The following ERICH6 variants were observed in gnomAD, a reference collection of about 807,000 sequenced individuals.
ERICH6 encodes glutamate-rich protein 6.
ERICH6 carries 71 observed loss-of-function variants against 71.0 expected under a neutral mutation model. The observed-to-expected ratio is 1.00, with a 90% CI of 0.83 to 1.22. The LOEUF (loss-of-function observed/expected upper bound fraction) is 1.22, where lower values mean the gene tolerates loss of function less well. Ranked by LOEUF, ERICH6 falls within the 50% of genes most tolerant of loss-of-function variation. ERICH6 has a pLI of 0.00. For synonymous variants in ERICH6, 262 were observed against 278.4 expected, an observed-to-expected ratio of 0.94 and a Z score of 0.59; for missense variants, 808 against 797.2, an observed-to-expected ratio of 1.01 and a Z score of -0.16.
intron 3 of ERICH6, among the ~76,000 whole-genome samples, chr3:150,697,967 C>T (rs866107718): frequency 6.6e-6 from 1 of 152,128 alleles, no homozygotes; most frequent in African/African-American, 2.4e-5. Flanking sequence ...GCCTGGAACA[C>T]CTTTCCTGTG....
intron 4 of ERICH6, 65 bp downstream of exon 4, chr3:150,686,233 A>G: frequency 6.4e-7 from 1 of 1,550,900 alleles, no homozygotes; most frequent in Non-Finnish European, 8.9e-7. Flanking sequence ...GTGCGAGTTA[A>G]GGTGATTCCC....
intron 3 of ERICH6, among the ~76,000 whole-genome samples, chr3:150,691,690 T>C (rs1335284199): frequency 2.6e-5 from 4 of 151,962 alleles, no homozygotes; most frequent in African/African-American, 9.7e-5. Context: ...TATTAAGTTT[T>C]GGTTTGCTTA....
At chr3:150,702,927 A>G (rs1234484902) in intron 1 of ERICH6, among the ~76,000 whole-genome samples, 5 of 126,230 alleles carry the variant, frequency 4.0e-5, no homozygotes, top group Non-Finnish European at 6.6e-5. Flanking sequence ...TGTGAGAGAG[A>G]GAGAGAGGGA....
intron 2 of ERICH6, among the ~76,000 whole-genome samples, chr3:150,699,250 G>T (rs1469471252): frequency 2.6e-5 from 4 of 152,196 alleles, no homozygotes; most frequent in Non-Finnish European, 5.9e-5. Context: ...AGTGGAGGCT[G>T]CAGTGAGCCG....
rs1278940904 is a variant in ERICH6, at chr3:150,682,311, T to G, written c.789A>C (p.Glu263Asp). The G allele has an allele frequency of 2.0e-5, 33 of 1,612,210 alleles. No homozygotes were observed. Among genetic ancestry groups the G allele is most frequent in the Non-Finnish European group, 2.8e-5 (33 of 1,179,742 alleles). The change falls in exon 7 of 14, where the codon GAA (glutamate) becomes GAC (aspartate). Residue 263 changes from glutamate to aspartate, a missense_variant. By Grantham distance (45) the Glu-to-Asp change is conservative (BLOSUM62 2). Coordinates refer to ENST00000295910, the MANE Select transcript of ERICH6 (RefSeq NM_152394.5). ...SSNLGINFKD[E>D]EEETSPKCEF... is the part of the protein sequence containing the mutation. Reference sequence around the variant, plus strand: ...CACATTTGGGTGATGTCTCCTCCTCTTCATCCTTCAGAGAGAGAGGAAAAA... The same window carrying G: ...CACATTTGGGTGATGTCTCCTCCTCGTCATCCTTCAGAGAGAGAGGAAAAA...
In ERICH6 at chr3:150,698,867, AT is replaced by A. The variant is rs1450476242; in HGVS notation, c.476del (p.Asn159IlefsTer44). 1 of 1,613,824 alleles carries A rather than the reference AT, an allele frequency of 6.2e-7. No individual in the cohort carries two copies. Among genetic ancestry groups the A allele is most frequent in the Admixed American group, 1.7e-5 (1 of 60,018 alleles). On this transcript the variant is annotated frameshift_variant, in exon 3 of 14. Coordinates refer to ENST00000295910, the MANE Select transcript of ERICH6 (RefSeq NM_152394.5). LOFTEE classifies it high-confidence loss of function. ...EMSIDRNIHRNLSPGIPVSVQ... is the reference protein window; with the variant it reads ...EMSIDRNIHRXLSPGIPVSVQ... ...CTGATACTGGAATTCCTGGAGACAA[AT>A]TGCGATGAATATTTCTGAAATTTCG...
intron 6 of ERICH6, 21 bp downstream of exon 6, chr3:150,685,721 A>G (rs1356552084): frequency 6.4e-7 from 1 of 1,552,128 alleles, no homozygotes; most frequent in African/African-American, 1.4e-5. Context: ...AGTAATAATA[A>G]GAAACATGAA....
chr3:150,668,259 T>G (rs1349595504), intron 12 of ERICH6, among the ~76,000 whole-genome samples: 1 of 152,210 alleles, frequency 6.6e-6, no homozygotes, highest in African/African-American at 2.4e-5. Flanking sequence ...AGATTCAGGA[T>G]GTGCCCTCAA....
intron 10 of ERICH6, among the ~76,000 whole-genome samples, chr3:150,678,186 G>A (rs1711734753): frequency 6.6e-6 from 1 of 152,132 alleles, no homozygotes; most frequent in Non-Finnish European, 1.5e-5. Context: ...GGTTCCAAAT[G>A]TTCTCTAATA....
rs147462703 is a variant in ERICH6, at chr3:150,681,901, G to A, written c.882+317C>T. On this transcript the variant is annotated intron_variant, in intron 7 of 13. Transcript: ENST00000295910. The stretch of plus-strand genomic sequence containing the variant: ...ACGATCTTGGCTCACTGCGACCTCC[G>A]TCTCCCGGGTTCAAGCAATTCTCCT... Among the ~76,000 whole-genome samples the A allele has an allele frequency of 2.2e-3, 291 of 132,760 alleles. 1 individual carries two copies. The highest frequency in any genetic ancestry group is 0.019 in the Middle Eastern group (3 of 162). The allele number at this position is 132,760 out of a possible 152,430, so 87.1% of individuals were successfully genotyped here. A position where few individuals can be genotyped will look rare whatever the true frequency, so the allele number is the denominator to read the frequency against.
In ERICH6 at chr3:150,673,970, C is replaced by T. The variant is rs752369715; in HGVS notation, c.1329G>A (p.Gly443=). The T allele has an allele frequency of 1.2e-6, 2 of 1,613,880 alleles. No individual in the cohort carries two copies. Among genetic ancestry groups the T allele is most frequent in the South Asian group, 1.1e-5 (1 of 91,052 alleles). ...GSKFLTSFPD[G]TTQIFYPSGN... ...AAAGAGGATACAATATTTGTGTTGT[C>T]CCATCTGGAAATGAAGTCAGAAACT... The change falls in exon 11 of 14, where the codon GGG becomes GGA. Residue 443 remains glycine, a synonymous_variant. Coordinates refer to ENST00000295910, the MANE Select transcript of ERICH6 (RefSeq NM_152394.5).
At chr3:150,691,719 A>AT (rs35928234) in intron 3 of ERICH6, among the ~76,000 whole-genome samples, 20,914 of 151,340 alleles carry the variant, frequency 0.14, 1,547 homozygotes, top group Non-Finnish European at 0.15. Context: ...AGCTGAGATT[A>AT]TTTTTTTTTA....
chr3:150,686,635 G>A (rs893081284), intron 3 of ERICH6, among the ~76,000 whole-genome samples: 1 of 152,186 alleles, frequency 6.6e-6, no homozygotes, highest in African/African-American at 2.4e-5. Flanking sequence ...AAAATCCTGA[G>A]TGGATGCCTG....
At chr3:150,702,818 GTT>G (rs202085714) in intron 1 of ERICH6, among the ~76,000 whole-genome samples, 14 of 77,022 alleles carry the variant, frequency 1.8e-4, no homozygotes, top group African/African-American at 4.7e-4. Context: ...ACAAAAGAGA[GTT>G]GTTTTTTTTT....
Position 150,703,484 on chromosome 3 carries a change from CG to C in ERICH6, c.403+11del, listed in dbSNP as rs1559924081. 2.5e-6 allele frequency: 4 copies of C among 1,568,954 alleles called. No individual in the cohort carries two copies. The highest frequency in any genetic ancestry group is 2.6e-6 in the Non-Finnish European group (3 of 1,157,852). ...AGAAACCCTCGAGGAAGGGGTGGGTCGGGGGCGGTACTTTTATGCGAGGAGG... is the reference window on the plus strand; with the variant it reads ...AGAAACCCTCGAGGAAGGGGTGGGTCGGGGCGGTACTTTTATGCGAGGAGG... On this transcript the variant is annotated intron_variant, in intron 1 of 13. Coordinates refer to ENST00000295910, the MANE Select transcript of ERICH6 (RefSeq NM_152394.5).
intron 10 of ERICH6, 28 bp downstream of exon 10, chr3:150,678,381 G>T: frequency 1.3e-6 from 2 of 1,523,530 alleles, no homozygotes; most frequent in Non-Finnish European, 1.8e-6. Context: ...TTTTAAAATA[G>T]CAAGTAAAAA....
chr3:150,672,521 CT>C (rs200488730), intron 11 of ERICH6, among the ~76,000 whole-genome samples: 6,304 of 151,846 alleles, frequency 0.042, 200 homozygotes, highest in African/African-American at 0.066. Context: ...TTGCTTGAAC[CT>C]GGGAGGTGGA....
intron 3 of ERICH6, among the ~76,000 whole-genome samples, chr3:150,687,275 G>C (rs574328422): frequency 6.6e-6 from 1 of 152,318 alleles, no homozygotes; most frequent in East Asian, 1.9e-4. Context: ...GGGATAGTGA[G>C]AGATTTCGTC....
rs754085799 is a variant in ERICH6 at position 150,660,112 on chromosome 3, C to T, written c.1772G>A (p.Gly591Glu). 5.0e-6 allele frequency: 8 copies of T among 1,614,018 alleles called. No individual in the cohort carries two copies. Among genetic ancestry groups the T allele is most frequent in the Non-Finnish European group, 5.9e-6 (7 of 1,180,000 alleles). Residue 591 changes from glycine (G) to glutamate (E), a missense_variant, in exon 14 of 14, where the codon GGA becomes GAA. Around this residue, in one of 3 missense-constraint regions of ERICH6, gnomAD observed 736 missense variants for 712.2 expected, o/e 1.03. Transcript: ENST00000295910. The stretch of plus-strand genomic sequence containing the variant: ...ACTGGCCAGCAGAAGAAGGTCATCT[C>T]CACTTACGTATCGGAGGATTGGAAT... ...EEIPILRYVS[G>E]DDLLLLASLI...
Sources: gnomAD v4.1 joint callset for allele counts (sites outside exome capture counted in the v4.1 genomes callset) on GRCh38, gnomAD v4.1.1 for gene constraint, gnomAD v4.1.1 regional missense constraint, MANE v1.5 for transcripts, NCBI Gene and HGNC (gene_info 2026-07-23, HGNC 2026-07-21) for gene names.